The following AHR variants were observed in gnomAD, a reference collection of about 807,000 sequenced individuals.
AHR encodes the protein AH-receptor.
In AHR, 40 loss-of-function variants were observed where a neutral mutation model predicts 86.8. The ratio of observed to expected loss-of-function variants is 0.46; its 90% CI spans 0.36 to 0.60. The LOEUF (loss-of-function observed/expected upper bound fraction) is 0.60, where lower values mean the gene tolerates loss of function less well. Among genes scored for constraint, AHR ranks in the 20% least tolerant of loss-of-function variants. AHR has a pLI of 0.00. For synonymous variants in AHR, 398 were observed against 354.9 expected, an observed-to-expected ratio of 1.12 and a Z score of -1.37; for missense variants, 1,001 against 1,011.6, an observed-to-expected ratio of 0.99 and a Z score of 0.14.
At position 17,345,929 on chromosome 7, in the gene AHR, TA is replaced by T. The variant is rs1474330929; in HGVS notation, c.*2866del. On this transcript the variant is annotated 3_prime_UTR_variant, in exon 11 of 11. Coordinates refer to ENST00000242057, the MANE Select transcript of AHR (RefSeq NM_001621.5). ...GTTTTTCTTACAATACCTGAAGACT[TA>T]CCAGTATTCTAGTGTATTATGAAGC... 1 of 152,748 alleles carries T rather than the reference TA, an allele frequency of 6.5e-6. No homozygotes were observed. The highest frequency in any genetic ancestry group is 1.9e-4 in the East Asian group (1 of 5,338). 9.5% of individuals were successfully genotyped at this position (152,748 alleles called of 1,614,324 possible).
At chr7:17,336,969 T>A (rs1185487900) in intron 9 of AHR, among the ~76,000 whole-genome samples, 2 of 152,168 alleles carry the variant, frequency 1.3e-5, no homozygotes, top group African/African-American at 4.8e-5. Flanking sequence ...TTGCAACTTT[T>A]AAAAAATATA....
chr7:17,316,983 T>C (rs143242333), intron 2 of AHR, among the ~76,000 whole-genome samples: 205 of 152,208 alleles, frequency 1.3e-3, no homozygotes, highest in African/African-American at 4.7e-3. Context: ...TGCCCTGATA[T>C]ATTAGGTTTG....
chr7:17,314,672 C>T (rs1782098520), intron 2 of AHR, among the ~76,000 whole-genome samples: 1 of 151,964 alleles, frequency 6.6e-6, no homozygotes, highest in Admixed American at 6.6e-5. Flanking sequence ...TGTGTATATG[C>T]AAAGAACAAG....
At position 17,339,784 on chromosome 7, in the gene AHR, T is replaced by C; in HGVS notation, c.1959T>C (p.Asn653=). 6.2e-7 allele frequency: 1 copy of C among 1,614,186 alleles called. No individual in the cohort carries two copies. The highest frequency in any genetic ancestry group is 1.1e-5 in the South Asian group (1 of 91,078). The change falls in exon 10 of 11, where the codon AAT becomes AAC. Residue 653 remains asparagine, a synonymous_variant. Coordinates refer to ENST00000242057, the MANE Select transcript of AHR (RefSeq NM_001621.5). ...TGCAAGTTAATGGCATGTTTGAAAA[T>C]TGGAACTCTAACCAATTCGTGCCTT... ...KHMQVNGMFE[N]WNSNQFVPFN... is the part of the protein sequence containing the mutation.
chr7:17,314,485 G>T (rs1031199908), intron 2 of AHR, among the ~76,000 whole-genome samples: 2 of 151,978 alleles, frequency 1.3e-5, no homozygotes, highest in African/African-American at 4.8e-5. Flanking sequence ...AATTACAAGT[G>T]CTCTGTTCTT....
chr7:17,314,758 C>G (rs948091038), intron 2 of AHR, among the ~76,000 whole-genome samples: 1 of 152,008 alleles, frequency 6.6e-6, no homozygotes, highest in South Asian at 2.1e-4. Context: ...ATTTGTATGT[C>G]TGCTTTTTCA....
intron 2 of AHR, among the ~76,000 whole-genome samples, chr7:17,310,597 C>T (rs1302071080): frequency 1.3e-5 from 2 of 150,872 alleles, no homozygotes; most frequent in South Asian, 2.1e-4. Context: ...TGCAATGACA[C>T]GATCTTGGCT....
Position 17,304,299 on chromosome 7 carries a change from C to T in AHR, c.65+4970C>T, listed in dbSNP as rs115857269. Among the ~76,000 whole-genome samples the T allele has an allele frequency of 6.6e-3, 1,005 of 152,158 alleles. 14 individuals are homozygous for T. Among genetic ancestry groups the T allele is most frequent in the African/African-American group, 0.023 (956 of 41,536 alleles). The stretch of plus-strand genomic sequence containing the variant: ...CCTGCATCCTCCCAATATATTTTAT[C>T]ACAATTTTGGATTATATACACATTA... On this transcript the variant is annotated intron_variant, in intron 1 of 10. Transcript: ENST00000242057.
intron 1 of AHR, among the ~76,000 whole-genome samples, chr7:17,305,209 T>C (rs778367527): frequency 1.3e-5 from 2 of 152,164 alleles, no homozygotes; most frequent in Admixed American, 6.6e-5. Flanking sequence ...TTTTGACTCA[T>C]ATAGGGAAAT....
Position 17,339,505 on chromosome 7 carries a change from A to C in AHR, c.1680A>C (p.Lys560Asn). Residue 560 changes from lysine (K) to asparagine (N), a missense_variant, in exon 10 of 11, where the codon AAA becomes AAC. Physicochemically the swap from Lys to Asn is moderately conservative, Grantham distance 94 (BLOSUM62 0). This residue lies in a region of AHR where 607 missense variants were observed against 543.1 expected (regional missense o/e 1.12). Transcript: ENST00000242057. The stretch of plus-strand genomic sequence containing the variant: ...ACATCAGACACATGCAGAATGAAAA[A>C]TTTTTCAGAAATGATTTTTCTGGTG... ...FEDIRHMQNE[K>N]FFRNDFSGEV... is the part of the protein sequence containing the mutation. 1 of 1,613,982 alleles carries C rather than the reference A, an allele frequency of 6.2e-7. No individual in the cohort carries two copies. The highest frequency in any genetic ancestry group is 1.6e-4 in the Middle Eastern group (1 of 6,062).
Position 17,334,114 on chromosome 7 carries a change from A to G in AHR, c.908A>G (p.Lys303Arg), listed in dbSNP as rs765898500. Residue 303 changes from lysine to arginine, a missense_variant and splice_region_variant, in exon 7 of 11, where the codon AAA (lysine) becomes AGA (arginine). Lys to Arg is a conservative substitution (Grantham distance 26, BLOSUM62 2). This residue lies in a region of AHR where 394 missense variants were observed against 468.5 expected (regional missense o/e 0.84). Coordinates refer to ENST00000242057, the MANE Select transcript of AHR (RefSeq NM_001621.5). ...TTCACACCTATTGGTTGTGATGCCA[A>G]GTAAGTGAGACTTTTTCACTTTTAT... ...LDFTPIGCDA[K>R]GRIVLGYTEA... 27 of 1,610,126 alleles carry G rather than the reference A, an allele frequency of 1.7e-5. No homozygotes were observed. In the East Asian group the frequency reaches 2.9e-4, roughly 17 times the overall value.
rs1181815206 is a variant in AHR, at chr7:17,345,158, T to G, written c.*2094T>G. 1.3e-5 allele frequency: 2 copies of G among 151,604 alleles called. No individual in the cohort carries two copies. The highest frequency in any genetic ancestry group is 2.9e-5 in the Non-Finnish European group (2 of 67,928). 9.4% of individuals were successfully genotyped at this position (151,604 alleles called of 1,614,324 possible). A position where few individuals can be genotyped will look rare whatever the true frequency, so the allele number is the denominator to read the frequency against. On this transcript the variant is annotated 3_prime_UTR_variant, in exon 11 of 11. Transcript: ENST00000242057. ...GGTGAAACCCTGTCTCTACTAAAAA[T>G]ACAGAAATTAGCTGGGCATGGTGGC...
intron 3 of AHR, among the ~76,000 whole-genome samples, chr7:17,324,150 C>T (rs1388493448): frequency 6.6e-6 from 1 of 152,082 alleles, no homozygotes; most frequent in Non-Finnish European, 1.5e-5. Flanking sequence ...AAATTATCTG[C>T]AAATTGGTAA....
intron 6 of AHR, 36 bp downstream of exon 6, chr7:17,330,922 A>C: frequency 6.3e-7 from 1 of 1,596,540 alleles, no homozygotes; most frequent in Non-Finnish European, 8.5e-7. Context: ...GGCTTTTACT[A>C]TTGTTACAAT....
chr7:17,328,340 A>T (rs1322182824), intron 4 of AHR, among the ~76,000 whole-genome samples: 1 of 151,994 alleles, frequency 6.6e-6, no homozygotes, highest in African/African-American at 2.4e-5. Context: ...ACATAGGAAT[A>T]TTGAAGTACT....
chr7:17,338,284 A>G (rs1346571053), intron 9 of AHR, among the ~76,000 whole-genome samples: 1 of 151,520 alleles, frequency 6.6e-6, no homozygotes, highest in Non-Finnish European at 1.5e-5. Context: ...CTGTCTTTAT[A>G]GCTGCTGGGT....
intron 3 of AHR, among the ~76,000 whole-genome samples, chr7:17,327,483 T>C (rs1025474950): frequency 6.6e-6 from 1 of 151,914 alleles, no homozygotes; most frequent in Non-Finnish European, 1.5e-5. Flanking sequence ...ATACAATATA[T>C]TTAAAAGAGA....
intron 2 of AHR, among the ~76,000 whole-genome samples, chr7:17,322,167 G>C (rs1162794324): frequency 6.6e-6 from 1 of 151,988 alleles, no homozygotes; most frequent in Non-Finnish European, 1.5e-5. Flanking sequence ...GAGTGGAGAG[G>C]AGTGTTTGTA....
intron 2 of AHR, among the ~76,000 whole-genome samples, chr7:17,319,897 G>C (rs1344409331): frequency 6.6e-6 from 1 of 152,024 alleles, no homozygotes; most frequent in Non-Finnish European, 1.5e-5. Context: ...GATTTTAAAA[G>C]TCCACCCTTC....
Sources: allele counts gnomAD v4.1 joint callset (sites outside exome capture counted in the v4.1 genomes callset), GRCh38; gene constraint gnomAD v4.1.1; regional missense constraint gnomAD v4.1.1; transcripts MANE v1.5; gene names NCBI Gene and HGNC (gene_info 2026-07-23, HGNC 2026-07-21).